The following NLRP9 variants were observed in gnomAD, a reference collection of about 807,000 sequenced individuals.
The protein encoded by NLRP9 is NACHT, LRR and PYD domains-containing protein 9.
A neutral mutation model predicts 83.1 loss-of-function variants in NLRP9; 88 were observed. The ratio of observed to expected loss-of-function variants is 1.06; its 90% CI spans 0.89 to 1.26. The LOEUF is 1.26. Ranked by LOEUF, NLRP9 falls within the 50% of genes most tolerant of loss-of-function variation. The pLI, the probability that NLRP9 is intolerant of heterozygous loss-of-function variation, is 0.00. For synonymous variants in NLRP9, 521 were observed against 447.6 expected, an observed-to-expected ratio of 1.16 and a Z score of -2.07; for missense variants, 1,308 against 1,179.3, an observed-to-expected ratio of 1.11 and a Z score of -1.60.
Position 55,726,292 on chromosome 19 carries a change from C to T in NLRP9, c.1995-2148G>A, listed in dbSNP as rs183030601. ...GGAATCATCGCCATTTCAGGATAAT[C>T]AACCTCATGGAAAAGGGGCAAACTA... On this transcript the variant is annotated intron_variant, in intron 3 of 8. Transcript: ENST00000332836. Among the ~76,000 whole-genome samples, 6 of 152,230 alleles carry T rather than the reference C, an allele frequency of 3.9e-5. No homozygotes were observed. The East Asian group carries it at 1.2e-3, about 29-fold the overall frequency.
chr19:55,718,900 C>T (rs1007039070), intron 4 of NLRP9, among the ~76,000 whole-genome samples: 1 of 152,234 alleles, frequency 6.6e-6, no homozygotes, highest in African/African-American at 2.4e-5. Flanking sequence ...CAGGACCCTT[C>T]CAGATCTCAT....
intron 1 of NLRP9, among the ~76,000 whole-genome samples, chr19:55,735,252 C>T (rs116312053): frequency 7.2e-4 from 110 of 152,262 alleles, no homozygotes; most frequent in African/African-American, 2.5e-3. Context: ...TGAGCAGTGA[C>T]TGACTTTGTA....
In NLRP9 at chr19:55,710,735, T is replaced by A. The variant is rs1264771331; in HGVS notation, c.2843+1065A>T. Among the ~76,000 whole-genome samples the A allele has an allele frequency of 2.0e-5, 3 of 152,226 alleles. No homozygotes were observed. The East Asian group carries it at 5.8e-4, about 29-fold the overall frequency. ...TGGCTACCTCAGAAGCAGAAGCTGC[T>A]ATGCTTCTTGTACAGCCTGCAGATG... On this transcript the variant is annotated intron_variant, in intron 8 of 8. Transcript: ENST00000332836.
intron 5 of NLRP9, among the ~76,000 whole-genome samples, 188 bp from the exon 6 acceptor site, chr19:55,715,413 G>A (rs1006920069): frequency 3.9e-5 from 6 of 152,126 alleles, no homozygotes; most frequent in South Asian, 2.1e-4. Context: ...AGCTGGGTGC[G>A]GTGCCTCACG....
At chr19:55,710,305 T>TC (rs1360607758) in intron 8 of NLRP9, among the ~76,000 whole-genome samples, 1 of 152,132 alleles carries the variant, frequency 6.6e-6, no homozygotes, top group Admixed American at 6.6e-5. Context: ...AATTCATTTT[T>TC]CCCTTTCTCT....
At chr19:55,717,648 A>C (rs1555794474) in intron 4 of NLRP9, among the ~76,000 whole-genome samples, 1 of 152,048 alleles carries the variant, frequency 6.6e-6, no homozygotes, top group Non-Finnish European at 1.5e-5. Flanking sequence ...TTTTTTTCCT[A>C]CTTTCACACA....
intron 8 of NLRP9, chr19:55,709,502 G>A (rs1322782144): frequency 6.6e-6 from 1 of 152,390 alleles, no homozygotes; most frequent in Non-Finnish European, 1.5e-5. Flanking sequence ...CATTTTCTAA[G>A]AAATAATTAA....
intron 1 of NLRP9, 57 bp from the exon 2 acceptor site, chr19:55,733,607 T>G (rs1245099229): frequency 4.7e-5 from 48 of 1,026,760 alleles, no homozygotes; most frequent in Non-Finnish European, 6.6e-5. Context: ...TCTTTTATAC[T>G]TCTGAGAACT....
chr19:55,719,014 TTAGG>T (rs1410316341), intron 4 of NLRP9, among the ~76,000 whole-genome samples: 1 of 152,180 alleles, frequency 6.6e-6, no homozygotes, highest in African/African-American at 2.4e-5. Flanking sequence ...ATTTATTAAA[TTAGG>T]TGAGAGTCAG....
At chr19:55,733,919 A>ATTTTTTTTTTTTTTTTTTTTTTTTT (rs765779528) in intron 1 of NLRP9, among the ~76,000 whole-genome samples, 6 of 117,866 alleles carry the variant, frequency 5.1e-5, no homozygotes, top group African/African-American at 1.8e-4. Context: ...TGTCAACCAA[A>ATTTTTTTTTTTTTTTTTTTTTTTTT]TTTTTTTTTT....
At chr19:55,729,050 CTTTTTTTTTTTTTTTT>C (rs374589373) in intron 3 of NLRP9, among the ~76,000 whole-genome samples, 1 of 70,202 alleles carries the variant, frequency 1.4e-5, no homozygotes, top group East Asian at 3.9e-4. Context: ...TTTTCTTTTT[CTTTTTTTTTTTTTTTT>C]TTTTTTTACA....
intron 7 of NLRP9, 60 bp downstream of exon 7, chr19:55,712,360 A>G: frequency 7.0e-7 from 1 of 1,428,608 alleles, no homozygotes; most frequent in Non-Finnish European, 9.7e-7. Flanking sequence ...TTGACCCTCC[A>G]GCAATTCCTA....
intron 4 of NLRP9, among the ~76,000 whole-genome samples, chr19:55,719,173 C>T (rs757397593): frequency 3.9e-5 from 6 of 152,190 alleles, no homozygotes; most frequent in Non-Finnish European, 8.8e-5. Context: ...GACTGATTTG[C>T]TAGAGTGGAT....
chr19:55,717,840 C>T (rs887716084), intron 4 of NLRP9, among the ~76,000 whole-genome samples: 19 of 152,286 alleles, frequency 1.2e-4, no homozygotes, highest in Admixed American at 2.6e-4. Flanking sequence ...GTTCAGAGAG[C>T]GTCCAGGTTG....
chr19:55,729,430 C>T (rs540818893), intron 3 of NLRP9, among the ~76,000 whole-genome samples: 2 of 152,128 alleles, frequency 1.3e-5, no homozygotes, highest in Non-Finnish European at 2.9e-5. Context: ...GTTCCCCTTC[C>T]TGTGCCCATG....
At chr19:55,731,258 A>G (rs959249576) in intron 2 of NLRP9, among the ~76,000 whole-genome samples, 18 of 152,078 alleles carry the variant, frequency 1.2e-4, no homozygotes, top group Non-Finnish European at 2.5e-4. Context: ...AGAGGAAACA[A>G]GGCACGAACT....
chr19:55,732,877 C>G lies in NLRP9; in HGVS notation c.954G>C (p.Leu318=). The G allele has an allele frequency of 6.2e-7, 1 of 1,614,042 alleles. No individual in the cohort carries two copies. The highest frequency in any genetic ancestry group is 8.5e-7 in the Non-Finnish European group (1 of 1,179,996). ...SYFFGEKSKA[L]KVFNFVRDNG... ...TATCTCTCACAAAATTGAAGACTTTCAGGGCTTTGCTCTTCTCACCAAAGA... is the reference window on the plus strand; with the variant it reads ...TATCTCTCACAAAATTGAAGACTTTGAGGGCTTTGCTCTTCTCACCAAAGA... Residue 318 remains leucine, a synonymous_variant, in exon 2 of 9, where the codon CTG becomes CTC. Coordinates refer to ENST00000332836, the MANE Select transcript of NLRP9 (RefSeq NM_176820.4).
Position 55,738,266 on chromosome 19 carries a change from A to C in NLRP9, c.109T>G (p.Phe37Val). 1 of 1,613,974 alleles carries C rather than the reference A, an allele frequency of 6.2e-7. No individual in the cohort carries two copies. The highest frequency in any genetic ancestry group is 8.5e-7 in the Non-Finnish European group (1 of 1,180,004). ...KELLKQPLEKFELKPIPWAEL... is the reference protein window; with the variant it reads ...KELLKQPLEKVELKPIPWAEL... The stretch of plus-strand genomic sequence containing the variant: ...GCCCAGGGGATTGGCTTGAGTTCAA[A>C]TTTCTCCAAAGGTTGTTTGAGGAGC... Residue 37 changes from phenylalanine to valine, a missense_variant, in exon 1 of 9, where the codon TTT (phenylalanine) becomes GTT (valine). Phe to Val is a conservative substitution (Grantham distance 50). Transcript: ENST00000332836.
chr19:55,716,686 GCTTCA>G, intron 5 of NLRP9, 37 bp downstream of exon 5: 1 of 1,559,158 alleles, frequency 6.4e-7, no homozygotes, highest in Non-Finnish European at 8.8e-7. Flanking sequence ...CCAGGTGCAC[GCTTCA>G]GAAATCTCCG....
Sources: gnomAD v4.1 joint callset for allele counts (sites outside exome capture counted in the v4.1 genomes callset) on GRCh38, gnomAD v4.1.1 for gene constraint, MANE v1.5 for transcripts, NCBI Gene and HGNC (gene_info 2026-07-23, HGNC 2026-07-21) for gene names.